The following MYO5C variants were observed in gnomAD, a reference collection of about 807,000 sequenced individuals.
MYO5C encodes the protein unconventional myosin-Vc.
A neutral mutation model predicts 235.7 loss-of-function variants in MYO5C; 194 were observed. The observed-to-expected ratio is 0.82, with a 90% CI of 0.73 to 0.93. The LOEUF (loss-of-function observed/expected upper bound fraction) is 0.93. Ranked by LOEUF, MYO5C falls within the 40% of genes least tolerant of loss-of-function variation. The pLI, the probability that MYO5C is intolerant of heterozygous loss-of-function variation, is 0.00. For missense variants in MYO5C, 2,038 were observed against 2,127.2 expected (o/e 0.96, Z 0.82); for synonymous variants, 707 against 754.8 (o/e 0.94, Z 1.04).
rs71130140 is a variant in MYO5C, at chr15:52,195,962, C to CTTTTTTTTTTT, written c.4995+336_4995+346dup. Among the ~76,000 whole-genome samples the CTTTTTTTTTTT allele has an allele frequency of 6.3e-4, 51 of 80,982 alleles. 1 individual carries two copies. Among genetic ancestry groups the CTTTTTTTTTTT allele is most frequent in the East Asian group, 1.3e-3 (2 of 1,488 alleles). 53.1% of individuals were successfully genotyped at this position (80,982 alleles called of 152,430 possible). ...CAAAGGTGTGTGCCATCACACCCAG[C>CTTTTTTTTTTT]TTTTTTTTTTTTTTTTTTTTTTTTT... On this transcript the variant is annotated intron_variant, in intron 39 of 40. Coordinates refer to ENST00000261839, the MANE Select transcript of MYO5C (RefSeq NM_018728.4).
At chr15:52,264,346 T>C (rs931819354) in intron 8 of MYO5C, 50 bp from the exon 9 acceptor site, 1 of 1,389,798 alleles carries the variant, frequency 7.2e-7, no homozygotes, top group Admixed American at 1.8e-5. Context: ...CTTCTCTGAC[T>C]AGTAAGATGG....
intron 29 of MYO5C, among the ~76,000 whole-genome samples, chr15:52,223,089 C>T (rs1401406496): frequency 6.7e-6 from 1 of 148,396 alleles, no homozygotes; most frequent in African/African-American, 2.5e-5. Context: ...GCGGAGGTTG[C>T]AGTGAGCTGA....
Position 52,242,101 on chromosome 15 carries a change from T to C in MYO5C, c.2503A>G (p.Ile835Val), listed in dbSNP as rs1319719014. 8.1e-6 allele frequency: 13 copies of C among 1,613,988 alleles called. No homozygotes were observed. The highest frequency in any genetic ancestry group is 1.1e-5 in the Non-Finnish European group (13 of 1,179,996). The change falls in exon 20 of 41, where the codon ATC becomes GTC. Residue 835 changes from isoleucine (I) to valine (V), a missense_variant. Physicochemically the swap from Ile to Val is conservative, Grantham distance 29. Coordinates refer to ENST00000261839, the MANE Select transcript of MYO5C (RefSeq NM_018728.4). ...CCTCGGCTGTAGGCCTGCATTGTGA[T>C]GGTGGCCATGCGAATCAACTGATAC... ...SLYQLIRMATITMQAYSRGFL... is the reference protein window; with the variant it reads ...SLYQLIRMATVTMQAYSRGFL...
At chr15:52,286,220 G>A (rs1210583849) in intron 1 of MYO5C, among the ~76,000 whole-genome samples, 3 of 151,616 alleles carry the variant, frequency 2.0e-5, no homozygotes, top group African/African-American at 7.3e-5. Flanking sequence ...CGGGAGGGAG[G>A]TGGGGGGTCA....
intron 17 of MYO5C, 107 bp downstream of exon 17, chr15:52,245,849 C>A: frequency 2.9e-6 from 3 of 1,043,954 alleles, no homozygotes; most frequent in Non-Finnish European, 4.4e-6. Flanking sequence ...GGGCACTTTA[C>A]AGAAGCCAAA....
intron 23 of MYO5C, among the ~76,000 whole-genome samples, chr15:52,234,484 G>T (rs146863000): frequency 1.4e-5 from 1 of 73,780 alleles, no homozygotes; most frequent in African/African-American, 3.0e-5. Flanking sequence ...TTTGAAGTTA[G>T]GGGGGAAAAA....
At chr15:52,240,195 CTTTT>C (rs1199224894) in intron 20 of MYO5C, among the ~76,000 whole-genome samples, 1 of 152,128 alleles carries the variant, frequency 6.6e-6, no homozygotes, top group Non-Finnish European at 1.5e-5. Flanking sequence ...CCATAACTTT[CTTTT>C]TTTCTTTTCT....
chr15:52,208,809 T>C (rs531517719), intron 35 of MYO5C, among the ~76,000 whole-genome samples, 166 bp from the exon 36 acceptor site: 2 of 152,366 alleles, frequency 1.3e-5, no homozygotes, highest in Admixed American at 1.3e-4. Flanking sequence ...ATTTATTTAA[T>C]AGGTCACAGT....
rs1287527455 is a variant in MYO5C, at chr15:52,246,837, C to A, written c.1979+80G>T. ...ACCCAGAAACAGGGTAATCTCAAGA[C>A]AATTGGAAGCAAATTCTCCAACTTT... On this transcript the variant is annotated intron_variant, in intron 16 of 40. Transcript: ENST00000261839. The A allele has an allele frequency of 1.5e-5, 17 of 1,156,496 alleles. No homozygotes were observed. The East Asian group carries it at 2.6e-4, about 18-fold the overall frequency. 71.6% of individuals were successfully genotyped at this position (1,156,496 alleles called of 1,614,324 possible). A position where few individuals can be genotyped will look rare whatever the true frequency, so the allele number is the denominator to read the frequency against.
In MYO5C at chr15:52,205,937, C is replaced by T. The variant is rs1156642869; in HGVS notation, c.4416G>A (p.Gln1472=). 1 of 1,590,556 alleles carries T rather than the reference C, an allele frequency of 6.3e-7. No individual in the cohort carries two copies. Among genetic ancestry groups the T allele is most frequent in the East Asian group, 2.2e-5 (1 of 44,474 alleles). ...EEFMKHNSPQ[Q]NKNCLNNFDL... ...CAAAATTGTTCAAGCAATTCTTATT[C>T]TGCTGTGGACTATTATGCTTCATGA... The change falls in exon 37 of 41, where the codon CAG becomes CAA. Residue 1472 remains glutamine, a synonymous_variant. Coordinates refer to ENST00000261839, the MANE Select transcript of MYO5C (RefSeq NM_018728.4).
Position 52,195,475 on chromosome 15 carries a change from C to T in MYO5C, c.4996-18G>A. ...TTTATGATCTGCAAACGGTACATAA[C>T]ATGGTGTTAGACCATGCAAAATAAT... On this transcript the variant is annotated intron_variant, in intron 39 of 40. Transcript: ENST00000261839. 6.4e-7 allele frequency: 1 copy of T among 1,565,266 alleles called. No individual in the cohort carries two copies. The highest frequency in any genetic ancestry group is 2.2e-5 in the East Asian group (1 of 44,488).
At chr15:52,196,567 C>A (rs952113760) in intron 38 of MYO5C, 84 bp from the exon 39 acceptor site, 26 of 1,329,562 alleles carry the variant, frequency 2.0e-5, no homozygotes, top group Non-Finnish European at 2.7e-5. Flanking sequence ...TACCAGAGTT[C>A]GCTGAGATCC....
chr15:52,262,637 G>C (rs1208265543), intron 9 of MYO5C, among the ~76,000 whole-genome samples: 1 of 152,198 alleles, frequency 6.6e-6, no homozygotes, highest in Non-Finnish European at 1.5e-5. Context: ...TGAGGTGAAA[G>C]CTGGAGGAGA....
chr15:52,221,293 CT>C (rs1566967239), intron 29 of MYO5C, 38 bp from the exon 30 acceptor site: 2 of 1,414,848 alleles, frequency 1.4e-6, no homozygotes, highest in Admixed American at 3.9e-5. Context: ...ATATAAAATA[CT>C]TTTATCTATG....
chr15:52,295,059 T>C (rs541703316), intron 1 of MYO5C, among the ~76,000 whole-genome samples: 34 of 152,352 alleles, frequency 2.2e-4, no homozygotes, highest in African/African-American at 7.9e-4. Context: ...TCACGCACTT[T>C]GAAGACACAG....
chr15:52,214,789 C>T lies in MYO5C; in HGVS notation c.3955-99G>A, dbSNP rs187211283. The T allele has an allele frequency of 2.9e-4, 191 of 658,468 alleles. 2 individuals carry two copies. In the South Asian group the frequency reaches 3.5e-3, roughly 12 times the overall value. 40.8% of individuals were successfully genotyped at this position (658,468 alleles called of 1,614,324 possible). A position where few individuals can be genotyped will look rare whatever the true frequency, so the allele number is the denominator to read the frequency against. On this transcript the variant is annotated intron_variant, in intron 32 of 40. Coordinates refer to ENST00000261839, the MANE Select transcript of MYO5C (RefSeq NM_018728.4). The stretch of plus-strand genomic sequence containing the variant: ...CTTTATTGACATACAATTTGCATAC[C>T]GTACAACTCACCCATTTAAAGTGTA...
intron 8 of MYO5C, among the ~76,000 whole-genome samples, chr15:52,268,726 G>A (rs1458445445): frequency 6.6e-6 from 1 of 152,180 alleles, no homozygotes; most frequent in Non-Finnish European, 1.5e-5. Context: ...CTCTGTGTGG[G>A]AAAAGTAAGG....
intron 1 of MYO5C, among the ~76,000 whole-genome samples, chr15:52,284,054 C>A (rs570438843): frequency 6.6e-6 from 1 of 152,040 alleles, no homozygotes; most frequent in Non-Finnish European, 1.5e-5. Context: ...ATTACTTTTA[C>A]AATCAGAACA....
intron 5 of MYO5C, among the ~76,000 whole-genome samples, chr15:52,273,180 A>C (rs1282873895): frequency 2.0e-5 from 3 of 152,136 alleles, no homozygotes; most frequent in Admixed American, 2.0e-4. Flanking sequence ...AAAATTAGAC[A>C]GGCATGGTGG....
Sources: gnomAD v4.1 joint callset for allele counts (sites outside exome capture counted in the v4.1 genomes callset) on GRCh38, gnomAD v4.1.1 for gene constraint, MANE v1.5 for transcripts, NCBI Gene and HGNC (gene_info 2026-07-23, HGNC 2026-07-21) for gene names.